OSBPL8: variants seen among roughly 807,000 people sequenced by gnomAD.
OSBPL8 encodes oxysterol binding protein like 8, also known as oxysterol-binding protein-related protein 8.
A neutral mutation model predicts 125.5 loss-of-function variants in OSBPL8; 59 were observed. The observed-to-expected ratio is 0.47, with a 90% CI of 0.38 to 0.58. The LOEUF is 0.58. Ranked by LOEUF, OSBPL8 falls within the 20% of genes least tolerant of loss-of-function variation. The pLI is 0.00. For missense variants in OSBPL8, 758 were observed against 1,047.8 expected (o/e 0.72, Z 3.82); for synonymous variants, 330 against 338.9 (o/e 0.97, Z 0.29).
chr12:76,356,134 T>A, intron 23 of OSBPL8, 113 bp from the exon 24 acceptor site: 1 of 313,298 alleles, frequency 3.2e-6, no homozygotes. Flanking sequence ...AATTTTTAGT[T>A]GCTGGGTCAT....
intron 3 of OSBPL8, among the ~76,000 whole-genome samples, chr12:76,456,609 A>G (rs1266309890): frequency 6.6e-6 from 1 of 152,172 alleles, no homozygotes; most frequent in Non-Finnish European, 1.5e-5. Context: ...GTGTCAAAAA[A>G]AAAAAGTGCA....
At position 76,451,785 on chromosome 12, in the gene OSBPL8, G is replaced by C. The variant is rs78262166; in HGVS notation, c.80-797C>G. Among the ~76,000 whole-genome samples, 994 of 152,120 alleles carry C rather than the reference G, an allele frequency of 6.5e-3. 6 individuals carry two copies. The highest frequency in any genetic ancestry group is 0.037 in the Middle Eastern group (11 of 294). On this transcript the variant is annotated intron_variant, in intron 3 of 23. Coordinates refer to ENST00000261183, the MANE Select transcript of OSBPL8 (RefSeq NM_020841.5). ...AAACTGCCAAGTCCAAAGTACCTGA[G>C]GATCTCCACATTCTTTCATTTTATA...
intron 1 of OSBPL8, among the ~76,000 whole-genome samples, chr12:76,511,694 A>G (rs1200753510): frequency 6.6e-6 from 1 of 152,148 alleles, no homozygotes; most frequent in Non-Finnish European, 1.5e-5. Flanking sequence ...CTCTGCTGAC[A>G]GTTTCTTTTG....
Position 76,357,730 on chromosome 12 carries a change from A to G in OSBPL8, c.2434+976T>C, listed in dbSNP as rs117415836. On this transcript the variant is annotated intron_variant, in intron 22 of 23. Coordinates refer to ENST00000261183, the MANE Select transcript of OSBPL8 (RefSeq NM_020841.5). ...AACTGAATTGAGCTCCCTCTCCTTT[A>G]AACTCTTTATCACTTGTCATCTAAT... is the stretch of plus-strand genomic sequence containing the variant. Among the ~76,000 whole-genome samples, 1,271 of 152,318 alleles carry G rather than the reference A, an allele frequency of 8.3e-3. 9 individuals carry two copies. The highest frequency in any genetic ancestry group is 0.015 in the Non-Finnish European group (992 of 68,018).
intron 5 of OSBPL8, among the ~76,000 whole-genome samples, chr12:76,404,292 T>C (rs1266497098): frequency 1.3e-5 from 2 of 152,214 alleles, no homozygotes; most frequent in Non-Finnish European, 2.9e-5. Flanking sequence ...TATTAGGAGA[T>C]TCTACTTCCC....
chr12:76,402,110 T>C (rs559588610), intron 6 of OSBPL8, among the ~76,000 whole-genome samples: 29 of 152,118 alleles, frequency 1.9e-4, no homozygotes, highest in Non-Finnish European at 3.2e-4. Flanking sequence ...CAAATACAAA[T>C]ATATATAGGA....
At chr12:76,422,051 A>C (rs1869548332) in intron 4 of OSBPL8, among the ~76,000 whole-genome samples, 1 of 152,056 alleles carries the variant, frequency 6.6e-6, no homozygotes, top group African/African-American at 2.4e-5. Flanking sequence ...TAAAAAGATT[A>C]AGATAATAAA....
intron 1 of OSBPL8, among the ~76,000 whole-genome samples, chr12:76,533,613 A>G (rs1950412006): frequency 6.6e-6 from 1 of 152,190 alleles, no homozygotes; most frequent in South Asian, 2.1e-4. Context: ...CGATCAGTCT[A>G]TATCAACAAC....
At chr12:76,479,819 T>A (rs555539099) in intron 2 of OSBPL8, among the ~76,000 whole-genome samples, 1 of 152,186 alleles carries the variant, frequency 6.6e-6, no homozygotes, top group South Asian at 2.1e-4. Flanking sequence ...ATTTAAAAGA[T>A]TCAAAAAGAC....
At chr12:76,515,237 G>A (rs1019629675) in intron 1 of OSBPL8, among the ~76,000 whole-genome samples, 1 of 152,180 alleles carries the variant, frequency 6.6e-6, no homozygotes, top group Non-Finnish European at 1.5e-5. Context: ...TGGAGTTCTT[G>A]AGTTACTGGA....
At chr12:76,547,965 A>G (rs1950826651) in intron 1 of OSBPL8, among the ~76,000 whole-genome samples, 1 of 152,192 alleles carries the variant, frequency 6.6e-6, no homozygotes, top group Non-Finnish European at 1.5e-5. Context: ...ATACAAATCA[A>G]TAGTGAAGGG....
intron 1 of OSBPL8, among the ~76,000 whole-genome samples, chr12:76,497,347 G>A (rs893961557): frequency 5.3e-5 from 8 of 152,158 alleles, no homozygotes; most frequent in South Asian, 2.1e-4. Context: ...CTGATAAACT[G>A]TATTTACAAA....
chr12:76,516,797 C>G (rs1205050519), intron 1 of OSBPL8, among the ~76,000 whole-genome samples: 2 of 147,794 alleles, frequency 1.4e-5, no homozygotes, highest in Non-Finnish European at 3.0e-5. Flanking sequence ...TGTCCCATTT[C>G]TTTCCTTTTC....
chr12:76,421,161 G>C (rs139255482), intron 4 of OSBPL8, among the ~76,000 whole-genome samples: 124 of 152,036 alleles, frequency 8.2e-4, no homozygotes, highest in Non-Finnish European at 1.0e-3. Context: ...TAGCAAGCTT[G>C]TTGGCCTAAA....
intron 2 of OSBPL8, among the ~76,000 whole-genome samples, chr12:76,470,716 G>C (rs937391334): frequency 2.0e-5 from 3 of 152,054 alleles, no homozygotes; most frequent in Non-Finnish European, 4.4e-5. Flanking sequence ...TCAAGCCACA[G>C]GCAAGACTGC....
At chr12:76,421,990 G>C (rs1037943255) in intron 4 of OSBPL8, among the ~76,000 whole-genome samples, 4 of 151,868 alleles carry the variant, frequency 2.6e-5, no homozygotes, top group African/African-American at 9.7e-5. Context: ...CTATACTTGA[G>C]TAGAAAGCTT....
intron 5 of OSBPL8, among the ~76,000 whole-genome samples, chr12:76,405,020 A>G (rs1418062234): frequency 1.3e-5 from 2 of 152,224 alleles, no homozygotes; most frequent in Non-Finnish European, 2.9e-5. Flanking sequence ...TTCCAAAGTC[A>G]CAAAGCTACA....
intron 1 of OSBPL8, among the ~76,000 whole-genome samples, chr12:76,541,816 A>C (rs1950652710): frequency 6.6e-6 from 1 of 152,134 alleles, no homozygotes; most frequent in Non-Finnish European, 1.5e-5. Context: ...AGATCGTGCC[A>C]CTGCACTCCA....
intron 1 of OSBPL8, among the ~76,000 whole-genome samples, chr12:76,530,443 T>A (rs1260621286): frequency 6.6e-6 from 1 of 152,104 alleles, no homozygotes; most frequent in Non-Finnish European, 1.5e-5. Context: ...GTTTCTTTGT[T>A]TAAATGCCAT....
Sources: allele counts gnomAD v4.1 joint callset (sites outside exome capture counted in the v4.1 genomes callset), GRCh38; gene constraint gnomAD v4.1.1; transcripts MANE v1.5; gene names NCBI Gene and HGNC (gene_info 2026-07-23, HGNC 2026-07-21).